The following GRID1 variants were observed in gnomAD, a reference collection of about 807,000 sequenced individuals.
GRID1 encodes glutamate ionotropic receptor delta type subunit 1, also known as glutamate receptor ionotropic, delta-1.
In GRID1, 28 loss-of-function variants were observed where a neutral mutation model predicts 98.0. That is an observed-to-expected ratio of 0.29 (90% CI 0.21 to 0.39). The LOEUF is 0.39. Ranked by LOEUF, GRID1 falls within the 10% of genes least tolerant of loss-of-function variation. The pLI, the probability that GRID1 is intolerant of heterozygous loss-of-function variation, is 1.00. For synonymous variants in GRID1, 553 were observed against 538.5 expected (o/e 1.03, Z -0.37); for missense variants, 1,111 against 1,340.5 (o/e 0.83, Z 2.67).
At chr10:85,677,531 G>A (rs1443596590) in intron 12 of GRID1, among the ~76,000 whole-genome samples, 1 of 152,214 alleles carries the variant, frequency 6.6e-6, no homozygotes, top group African/African-American at 2.4e-5. Flanking sequence ...TTTCAACAGC[G>A]TTGTGAAGAA....
At chr10:85,713,631 TA>T (rs34974084) in intron 12 of GRID1, among the ~76,000 whole-genome samples, 1,929 of 141,034 alleles carry the variant, frequency 0.014, 43 homozygotes, top group East Asian at 0.1. Flanking sequence ...AATAGCACAT[TA>T]AAAAAAAAAA....
Position 85,602,474 on chromosome 10 carries a change from G to C in GRID1, c.2829C>G (p.Leu943=). 2 of 1,614,214 alleles carry C rather than the reference G, an allele frequency of 1.2e-6. No homozygotes were observed. Among genetic ancestry groups the C allele is most frequent in the Non-Finnish European group, 1.7e-6 (2 of 1,180,048 alleles). Residue 943 remains leucine (L), a synonymous_variant, in exon 16 of 16, where the codon CTC becomes CTG. Coordinates refer to ENST00000327946, the MANE Select transcript of GRID1 (RefSeq NM_017551.3). ...EQSSHGTSRT[L]SSGPSSNLPL... is the part of the protein sequence containing the mutation. ...GCAGGTTGCTGCTGGGCCCTGATGAGAGTGTCCGGCTGGTGCCATGGCTGC... is the reference window on the plus strand; with the variant it reads ...GCAGGTTGCTGCTGGGCCCTGATGACAGTGTCCGGCTGGTGCCATGGCTGC...
chr10:85,899,285 T>C lies in GRID1; in HGVS notation c.780+16901A>G, dbSNP rs950075731. The stretch of plus-strand genomic sequence containing the variant: ...GCTGAATAGAATTCCTTTGTGTAGA[T>C]AGACCACATTTTCTGTATCCATTCA... On this transcript the variant is annotated intron_variant, in intron 5 of 15. Transcript: ENST00000327946. Among the ~76,000 whole-genome samples the C allele has an allele frequency of 2.6e-5, 4 of 152,166 alleles. No homozygotes were observed. In the East Asian group the frequency reaches 5.8e-4, roughly 22 times the overall value.
At chr10:86,247,467 A>G (rs563546925) in intron 2 of GRID1, among the ~76,000 whole-genome samples, 2 of 152,244 alleles carry the variant, frequency 1.3e-5, no homozygotes, top group East Asian at 3.9e-4. Flanking sequence ...GTATAAAAGG[A>G]TTGACAGATA....
At chr10:86,024,868 C>T (rs1843096674) in intron 4 of GRID1, among the ~76,000 whole-genome samples, 1 of 152,112 alleles carries the variant, frequency 6.6e-6, no homozygotes, top group African/African-American at 2.4e-5. Flanking sequence ...AAGAAAACAC[C>T]CAAACAGGGA....
At chr10:85,738,979 T>C (rs574058884) in intron 8 of GRID1, among the ~76,000 whole-genome samples, 16 of 152,276 alleles carry the variant, frequency 1.1e-4, no homozygotes, top group African/African-American at 3.8e-4. Flanking sequence ...ATACCTCAAA[T>C]GGATAGATTT....
At chr10:86,028,067 T>C (rs1843137985) in intron 4 of GRID1, among the ~76,000 whole-genome samples, 1 of 152,206 alleles carries the variant, frequency 6.6e-6, no homozygotes, top group South Asian at 2.1e-4. Context: ...GTGAGGGGAC[T>C]CTTCTCAAAT....
chr10:85,975,166 C>T (rs1157069010), intron 4 of GRID1, among the ~76,000 whole-genome samples: 1 of 152,220 alleles, frequency 6.6e-6, no homozygotes, highest in Non-Finnish European at 1.5e-5. Context: ...TCTATCCAAA[C>T]GTTCTCTGTC....
At chr10:86,317,032 C>G (rs904688094) in intron 2 of GRID1, among the ~76,000 whole-genome samples, 1 of 152,190 alleles carries the variant, frequency 6.6e-6, no homozygotes, top group Admixed American at 6.5e-5. Flanking sequence ...TTCTGATCCA[C>G]GTGGCCCTAG....
In GRID1 at chr10:85,731,383, A is replaced by G. The variant is rs537138834; in HGVS notation, c.1234-1769T>C. On this transcript the variant is annotated intron_variant, in intron 8 of 15. Coordinates refer to ENST00000327946, the MANE Select transcript of GRID1 (RefSeq NM_017551.3). ...AATTAATTTGGGGGCATTGAGATAA[A>G]GAACAAGTGAAGATCTACCCAAAAT... Among the ~76,000 whole-genome samples, 94 of 152,032 alleles carry G rather than the reference A, an allele frequency of 6.2e-4. 1 individual carries two copies. Among genetic ancestry groups the G allele is most frequent in the Middle Eastern group, 3.4e-3 (1 of 294 alleles).
At chr10:86,329,704 G>T (rs1415038526) in intron 2 of GRID1, among the ~76,000 whole-genome samples, 2 of 152,140 alleles carry the variant, frequency 1.3e-5, no homozygotes, top group Non-Finnish European at 2.9e-5. Flanking sequence ...CTCAGCAGAA[G>T]GGCCCTGCTG....
chr10:86,363,350 G>C (rs61856635), intron 2 of GRID1, among the ~76,000 whole-genome samples: 45,157 of 152,162 alleles, frequency 0.3, 9,699 homozygotes, highest in African/African-American at 0.59. Flanking sequence ...CTCCGCCCGC[G>C]GCGCGGACAG....
At chr10:86,193,944 T>C (rs146774895) in intron 3 of GRID1, among the ~76,000 whole-genome samples, 2 of 152,026 alleles carry the variant, frequency 1.3e-5, no homozygotes, top group Non-Finnish European at 2.9e-5. Context: ...CCGACCTAAG[T>C]GGGCCCTTGC....
intron 12 of GRID1, among the ~76,000 whole-genome samples, chr10:85,660,957 T>C (rs1485229608): frequency 6.6e-6 from 1 of 152,080 alleles, no homozygotes; most frequent in African/African-American, 2.4e-5. Flanking sequence ...ACAGGAATAT[T>C]CATGGATTGA....
At chr10:86,070,780 C>T (rs1843792436) in intron 4 of GRID1, among the ~76,000 whole-genome samples, 2 of 152,216 alleles carry the variant, frequency 1.3e-5, no homozygotes, top group African/African-American at 4.8e-5. Flanking sequence ...AGGCACTGAG[C>T]TAGGCCCAGC....
At chr10:85,869,279 T>A in intron 5 of GRID1, 99 bp from the exon 6 acceptor site, 1 of 1,044,284 alleles carries the variant, frequency 9.6e-7, no homozygotes. Context: ...GAAAAGCTGA[T>A]GCCAAAGAGG....
chr10:86,130,569 A>G (rs5003944), intron 4 of GRID1, among the ~76,000 whole-genome samples: 43,710 of 152,064 alleles, frequency 0.29, 7,289 homozygotes, highest in African/African-American at 0.46. Context: ...GGTTGGAGAC[A>G]GTCAGAGAGA....
chr10:85,954,914 C>A (rs1410031435), intron 4 of GRID1, among the ~76,000 whole-genome samples: 1 of 152,156 alleles, frequency 6.6e-6, no homozygotes, highest in Non-Finnish European at 1.5e-5. Flanking sequence ...AATGTCAAAC[C>A]CACTGCAGAC....
At chr10:86,305,300 T>C (rs1847744343) in intron 2 of GRID1, among the ~76,000 whole-genome samples, 1 of 152,190 alleles carries the variant, frequency 6.6e-6, no homozygotes, top group South Asian at 2.1e-4. Flanking sequence ...CTTCCCATCA[T>C]TGGTCAGGAG....
Sources: allele counts gnomAD v4.1 joint callset (sites outside exome capture counted in the v4.1 genomes callset), GRCh38; gene constraint gnomAD v4.1.1; transcripts MANE v1.5; gene names NCBI Gene and HGNC (gene_info 2026-07-23, HGNC 2026-07-21).